Variants in TSPAN14 observed in about 807,000 individuals in gnomAD.
The protein encoded by TSPAN14 is tetraspanin 14, also known as tetraspanin-14.
A neutral mutation model predicts 36.6 loss-of-function variants in TSPAN14; 16 were observed. The observed-to-expected ratio is 0.44, with a 90% CI of 0.30 to 0.66. The LOEUF is 0.66. TSPAN14 is among the 30% of genes least tolerant of loss of function. The pLI, the probability that TSPAN14 is intolerant of heterozygous loss-of-function variation, is 0.12. For missense variants in TSPAN14, 231 were observed against 355.1 expected (o/e 0.65, Z 2.81); for synonymous variants, 139 against 143.8 (o/e 0.97, Z 0.24).
intron 1 of TSPAN14, among the ~76,000 whole-genome samples, chr10:80,469,771 G>A (rs1045503002): frequency 6.6e-6 from 1 of 152,042 alleles, no homozygotes; most frequent in African/African-American, 2.4e-5. Context: ...TGTTTGTTTT[G>A]TTTTAGCTCT....
chr10:80,501,107 T>G (rs1425845037), intron 2 of TSPAN14, among the ~76,000 whole-genome samples: 3 of 9,654 alleles, frequency 3.1e-4, no homozygotes, highest in Admixed American at 1.9e-3. Flanking sequence ...CTGACGCTGT[T>G]TTTTTTTTTT....
At chr10:80,467,917 G>C (rs1471464306) in intron 1 of TSPAN14, among the ~76,000 whole-genome samples, 2 of 152,324 alleles carry the variant, frequency 1.3e-5, no homozygotes, top group Non-Finnish European at 2.9e-5. Context: ...GTGGAATCCA[G>C]GGAGAGGGAA....
intron 1 of TSPAN14, chr10:80,485,604 G>A: frequency 1.0e-6 from 1 of 985,116 alleles, no homozygotes; most frequent in Non-Finnish European, 1.2e-6. Flanking sequence ...ACCTTCTTCA[G>A]CTTAAACTAT....
chr10:80,468,337 C>CGATA (rs1846354018), intron 1 of TSPAN14, among the ~76,000 whole-genome samples: 1 of 152,292 alleles, frequency 6.6e-6, no homozygotes, highest in East Asian at 1.9e-4. Context: ...AGGTCTCTAT[C>CGATA]ATTTGGTTAG....
At chr10:80,466,084 A>G (rs1172328042) in intron 1 of TSPAN14, among the ~76,000 whole-genome samples, 1 of 152,052 alleles carries the variant, frequency 6.6e-6, no homozygotes, top group Non-Finnish European at 1.5e-5. Flanking sequence ...TTTGAAATAG[A>G]GTTGTTTTGT....
At chr10:80,473,405 T>G (rs1029361868) in intron 1 of TSPAN14, among the ~76,000 whole-genome samples, 15 of 152,206 alleles carry the variant, frequency 9.9e-5, no homozygotes, top group African/African-American at 3.6e-4. Context: ...TGCCAGGCAC[T>G]GAGACCCTCA....
intron 6 of TSPAN14, among the ~76,000 whole-genome samples, chr10:80,512,806 G>T (rs745986981): frequency 6.6e-6 from 1 of 152,116 alleles, no homozygotes; most frequent in South Asian, 2.1e-4. Context: ...CGATTCTCCT[G>T]CCTCAGCCTC....
At chr10:80,483,685 G>C (rs1847416981) in intron 1 of TSPAN14, among the ~76,000 whole-genome samples, 1 of 151,974 alleles carries the variant, frequency 6.6e-6, no homozygotes, top group East Asian at 1.9e-4. Context: ...GAGATGGGCA[G>C]ATCACCCAAG....
chr10:80,487,836 G>C (rs1847699592), intron 1 of TSPAN14, among the ~76,000 whole-genome samples: 1 of 152,182 alleles, frequency 6.6e-6, no homozygotes. Context: ...GGTCTGGTGG[G>C]TGAGTGGTGG....
At chr10:80,479,136 GTTGT>G (rs1456396628) in intron 1 of TSPAN14, among the ~76,000 whole-genome samples, 5 of 152,064 alleles carry the variant, frequency 3.3e-5, no homozygotes, top group Non-Finnish European at 5.9e-5. Flanking sequence ...TTTTGATGGG[GTTGT>G]TTGTTTTTTT....
intron 5 of TSPAN14, among the ~76,000 whole-genome samples, chr10:80,510,416 C>T (rs1387653952): frequency 6.6e-6 from 1 of 152,150 alleles, no homozygotes; most frequent in Non-Finnish European, 1.5e-5. Context: ...TCACCAAATC[C>T]CCGCCATGTT....
In TSPAN14 at chr10:80,464,992, C is replaced by G. The variant is rs570514775; in HGVS notation, c.-18+10621C>G. 2.6e-5 allele frequency among the ~76,000 whole-genome samples: 4 copies of G among 152,282 alleles called. No homozygotes were observed. In the South Asian group the frequency reaches 8.3e-4, roughly 32 times the overall value. On this transcript the variant is annotated intron_variant, in intron 1 of 8. Coordinates refer to ENST00000429989, the Ensembl canonical transcript of TSPAN14. ...ATTTGCAGACAGCCTTGAGCCACTC[C>G]AAGGCCCATCATGTGTTCTCAGATT...
At chr10:80,517,152 T>C (rs1434575538) in intron 8 of TSPAN14, among the ~76,000 whole-genome samples, 1 of 152,006 alleles carries the variant, frequency 6.6e-6, no homozygotes, top group African/African-American at 2.4e-5. Context: ...TTGAAGAGGG[T>C]GACTGAGGTA....
rs1430098573 is a variant in TSPAN14, at chr10:80,512,123, T to G, written c.451-21T>G. On this transcript the variant is annotated intron_variant, in intron 5 of 8. Transcript: ENST00000429989. ...GGCCCTGTCTTGGAGCCCCTAACAGTTCTGGCTTTTGTGGTTGCAGAACCA... is the reference window on the plus strand; with the variant it reads ...GGCCCTGTCTTGGAGCCCCTAACAGGTCTGGCTTTTGTGGTTGCAGAACCA... 3 of 1,613,986 alleles carry G rather than the reference T, an allele frequency of 1.9e-6. No individual in the cohort carries two copies. The South Asian group carries it at 3.3e-5, about 18-fold the overall frequency.
At chr10:80,459,589 G>A (rs529109427) in intron 1 of TSPAN14, 1 of 152,818 alleles carries the variant, frequency 6.5e-6, no homozygotes, top group Non-Finnish European at 1.5e-5. Context: ...GCATGGGTAA[G>A]GTTTGGGGAG....
chr10:80,471,727 T>C (rs1846562079), intron 1 of TSPAN14, among the ~76,000 whole-genome samples: 1 of 152,060 alleles, frequency 6.6e-6, no homozygotes, highest in Admixed American at 6.6e-5. Context: ...CAGGCCTCCT[T>C]TTGCCTAGCC....
chr10:80,476,260 C>G (rs1846876502), intron 1 of TSPAN14, among the ~76,000 whole-genome samples: 1 of 151,752 alleles, frequency 6.6e-6, no homozygotes, highest in South Asian at 2.1e-4. Flanking sequence ...GTAGTCCCAG[C>G]TACTTGAGAG....
At chr10:80,491,693 A>C (rs760657717) in intron 2 of TSPAN14, among the ~76,000 whole-genome samples, 43 of 152,176 alleles carry the variant, frequency 2.8e-4, no homozygotes, top group Non-Finnish European at 5.7e-4. Flanking sequence ...CATGGTAGCA[A>C]GTCTGCTTGG....
exon 9 of TSPAN14, chr10:80,520,569 C>G (rs1291477385): frequency 3.8e-6 from 2 of 526,364 alleles, no homozygotes; most frequent in Non-Finnish European, 3.9e-6. Context: ...GGGGTCTTTC[C>G]TGTACCCCCT....
Sources: gnomAD v4.1 joint callset for allele counts (sites outside exome capture counted in the v4.1 genomes callset) on GRCh38, gnomAD v4.1.1 for gene constraint, MANE v1.5 for transcripts, NCBI Gene and HGNC (gene_info 2026-07-23, HGNC 2026-07-21) for gene names.